Variants in PCED1B observed in about 807,000 individuals in gnomAD.
PCED1B encodes PC-esterase domain-containing protein 1B.
For missense variants in PCED1B, 573 were observed against 573.9 expected, an observed-to-expected ratio of 1.00 and a Z score of 0.02; for synonymous variants, 251 against 246.1, an observed-to-expected ratio of 1.02 and a Z score of -0.19.
At chr12:47,103,671 T>C (rs1208415043) in intron 1 of PCED1B, among the ~76,000 whole-genome samples, 1 of 152,150 alleles carries the variant, frequency 6.6e-6, no homozygotes, top group African/African-American at 2.4e-5. Context: ...ACTTTCCTCA[T>C]GCTCTTCCAT....
intron 2 of PCED1B, among the ~76,000 whole-genome samples, chr12:47,106,546 C>T (rs895230866): frequency 5.3e-5 from 8 of 152,064 alleles, no homozygotes; most frequent in East Asian, 1.9e-4. Flanking sequence ...CATCAGCAAA[C>T]GCGCCTCTCA....
rs534344598 is a variant in PCED1B at position 47,236,368 on chromosome 12, C to T, written c.*6C>T. 6.9e-5 allele frequency: 108 copies of T among 1,556,728 alleles called. 1 individual carries two copies. The South Asian group carries it at 1.2e-3, about 18-fold the overall frequency. ...CTGAGCCAAGGCCTCAATAGACGGACCTAGGCCTTATTTCCTCTTTATGAA... is the reference window on the plus strand; with the variant it reads ...CTGAGCCAAGGCCTCAATAGACGGATCTAGGCCTTATTTCCTCTTTATGAA... On this transcript the variant is annotated 3_prime_UTR_variant, in exon 4 of 4. Coordinates refer to ENST00000546455, the MANE Select transcript of PCED1B (RefSeq NM_138371.3).
At chr12:47,122,898 G>A (rs1012203002) in intron 2 of PCED1B, among the ~76,000 whole-genome samples, 2 of 152,128 alleles carry the variant, frequency 1.3e-5, no homozygotes, top group African/African-American at 4.8e-5. Flanking sequence ...TGACCTCCTG[G>A]AGATTATAAT....
chr12:47,178,229 AGTG>A (rs1941985866), intron 2 of PCED1B, among the ~76,000 whole-genome samples: 2 of 152,178 alleles, frequency 1.3e-5, no homozygotes, highest in African/African-American at 4.8e-5. Context: ...CACCTCAGAC[AGTG>A]GTGGTTGGCT....
intron 1 of PCED1B, among the ~76,000 whole-genome samples, chr12:47,098,187 C>T (rs1262907603): frequency 6.6e-6 from 1 of 152,168 alleles, no homozygotes; most frequent in East Asian, 1.9e-4. Flanking sequence ...CCTTGCCCCA[C>T]TCCAATGAGA....
intron 2 of PCED1B, among the ~76,000 whole-genome samples, chr12:47,123,778 A>C (rs1265325024): frequency 6.6e-6 from 1 of 152,060 alleles, no homozygotes; most frequent in African/African-American, 2.4e-5. Context: ...ATTTTACAAA[A>C]TCAGTATCAT....
chr12:47,164,511 C>T (rs545187345), intron 2 of PCED1B, among the ~76,000 whole-genome samples: 1 of 152,346 alleles, frequency 6.6e-6, no homozygotes, highest in South Asian at 2.1e-4. Context: ...TCAGAAAGCC[C>T]CACCTCAATG....
rs184530331 is a variant in PCED1B at position 47,214,205 on chromosome 12, A to G, written c.-525-2017A>G. 5.3e-5 allele frequency among the ~76,000 whole-genome samples: 8 copies of G among 152,374 alleles called. No homozygotes were observed. The East Asian group carries it at 1.3e-3, about 26-fold the overall frequency. On this transcript the variant is annotated intron_variant, in intron 2 of 3. Coordinates refer to ENST00000546455, the MANE Select transcript of PCED1B (RefSeq NM_138371.3). ...AAGATAACTTTATTGATGGCCATAG[A>G]GGATGAAAACAATGCATAAGGTATG...
chr12:47,221,668 T>C (rs1943482143), intron 3 of PCED1B, among the ~76,000 whole-genome samples: 1 of 152,212 alleles, frequency 6.6e-6, no homozygotes, highest in East Asian at 1.9e-4. Flanking sequence ...TCTCTGAAAT[T>C]GCCTGGTGAG....
chr12:47,212,452 TG>T (rs757568158), intron 2 of PCED1B, among the ~76,000 whole-genome samples: 108 of 152,334 alleles, frequency 7.1e-4, no homozygotes, highest in Middle Eastern at 6.8e-3. Context: ...ACTATAGCTC[TG>T]GAACTATGAG....
intron 2 of PCED1B, among the ~76,000 whole-genome samples, chr12:47,150,066 T>C (rs181249197): frequency 1.7e-4 from 26 of 152,350 alleles, no homozygotes; most frequent in Admixed American, 1.5e-3. Context: ...TATACCTATG[T>C]ATCAAATCAT....
At chr12:47,188,628 A>G (rs931854968) in intron 2 of PCED1B, among the ~76,000 whole-genome samples, 1 of 152,206 alleles carries the variant, frequency 6.6e-6, no homozygotes, top group East Asian at 1.9e-4. Context: ...GAAGTTAAAA[A>G]CAAGAGTAGC....
chr12:47,204,239 A>G (rs142871189), intron 2 of PCED1B, among the ~76,000 whole-genome samples: 54 of 152,162 alleles, frequency 3.5e-4, no homozygotes, highest in African/African-American at 1.1e-3. Flanking sequence ...GTGAGCCACC[A>G]CGCCCAACCC....
At chr12:47,211,520 G>A (rs1943078495) in intron 2 of PCED1B, among the ~76,000 whole-genome samples, 1 of 151,360 alleles carries the variant, frequency 6.6e-6, no homozygotes, top group African/African-American at 2.4e-5. Flanking sequence ...CAGGTGTAGT[G>A]GCACATGGCT....
At chr12:47,232,634 T>G (rs1169724859) in intron 3 of PCED1B, among the ~76,000 whole-genome samples, 3 of 140,392 alleles carry the variant, frequency 2.1e-5, no homozygotes, top group Non-Finnish European at 4.9e-5. Flanking sequence ...TGCAATCTGT[T>G]AGCAGTATTT....
intron 2 of PCED1B, among the ~76,000 whole-genome samples, chr12:47,173,499 G>T (rs574379004): frequency 6.6e-6 from 1 of 152,168 alleles, no homozygotes; most frequent in South Asian, 2.1e-4. Context: ...TGATCTGCCC[G>T]CCTTAGCCTC....
chr12:47,093,388 G>A (rs528484582), intron 1 of PCED1B, among the ~76,000 whole-genome samples: 1 of 150,720 alleles, frequency 6.6e-6, no homozygotes, highest in South Asian at 2.1e-4. Flanking sequence ...CTTTTGATCA[G>A]TCTTCTTTAG....
At chr12:47,215,357 G>T (rs1042930841) in intron 2 of PCED1B, among the ~76,000 whole-genome samples, 1 of 151,372 alleles carries the variant, frequency 6.6e-6, no homozygotes, top group Non-Finnish European at 1.5e-5. Flanking sequence ...GGGTTCAAGC[G>T]ATTCTCCTGC....
At chr12:47,122,264 G>T (rs1472280593) in intron 2 of PCED1B, among the ~76,000 whole-genome samples, 1 of 144,656 alleles carries the variant, frequency 6.9e-6, no homozygotes, top group African/African-American at 2.9e-5. Context: ...ATTCACTCTG[G>T]CCTTTTTTAA....
Sources: allele counts gnomAD v4.1 joint callset (sites outside exome capture counted in the v4.1 genomes callset), GRCh38; gene constraint gnomAD v4.1.1; transcripts MANE v1.5; gene names NCBI Gene and HGNC (gene_info 2026-07-23, HGNC 2026-07-21).